Variants in ZBBX observed in about 807,000 individuals in gnomAD.
ZBBX encodes zinc finger B-box domain-containing protein 1.
In ZBBX, 101 loss-of-function variants were observed where a neutral mutation model predicts 108.5. The ratio of observed to expected loss-of-function variants is 0.93; its 90% CI spans 0.79 to 1.10. The LOEUF (loss-of-function observed/expected upper bound fraction) is 1.10, where lower values mean the gene tolerates loss of function less well. ZBBX is among the 50% of genes least tolerant of loss of function. The pLI is 0.00. For missense variants in ZBBX, 1,009 were observed against 941.4 expected (o/e 1.07, Z -0.94); for synonymous variants, 356 against 323.4 (o/e 1.10, Z -1.08).
chr3:167,260,731 T>G (rs1171514750), intron 20 of ZBBX, among the ~76,000 whole-genome samples: 1 of 152,186 alleles, frequency 6.6e-6, no homozygotes, highest in African/African-American at 2.4e-5. Flanking sequence ...TCCCTTCACT[T>G]CTTGTATCAT....
At chr3:167,387,602 G>C (rs1013794093) in intron 1 of ZBBX, among the ~76,000 whole-genome samples, 4 of 151,940 alleles carry the variant, frequency 2.6e-5, no homozygotes, top group African/African-American at 9.7e-5. Flanking sequence ...AAAATTTCTA[G>C]CATTACTGAA....
chr3:167,317,043 T>C lies in ZBBX; in HGVS notation c.1156A>G (p.Arg386Gly). The C allele has an allele frequency of 6.2e-7, 1 of 1,610,510 alleles. No homozygotes were observed. Among genetic ancestry groups the C allele is most frequent in the South Asian group, 1.1e-5 (1 of 90,780 alleles). The change falls in exon 14 of 22, where the codon AGA becomes GGA. Residue 386 changes from arginine (R) to glycine (G), a missense_variant. Transcript: ENST00000675490. ...LLPVETLNIE[R>G]PEPSLKIVEL... ...ACTATCTTTAGAGATGGTTCAGGTC[T>C]CTCTATGTTTAATGTTTCTACTGGC...
rs759182006 is a variant in ZBBX, at chr3:167,241,061, T to C, written c.2394-142A>G. On this transcript the variant is annotated intron_variant, in intron 21 of 21. Coordinates refer to ENST00000675490, the MANE Select transcript of ZBBX (RefSeq NM_001199201.2). ...AGCTGTATCAGACTGGGGCCATAAT[T>C]TTCAATGTGCCCAATATACCAAGCC... is the stretch of plus-strand genomic sequence containing the variant. The C allele has an allele frequency of 2.9e-4, 236 of 824,032 alleles. 1 individual carries two copies. Among genetic ancestry groups the C allele is most frequent in the Non-Finnish European group, 4.0e-4 (228 of 566,928 alleles). 51.0% of individuals were successfully genotyped at this position (824,032 alleles called of 1,614,324 possible).
intron 1 of ZBBX, among the ~76,000 whole-genome samples, chr3:167,392,475 T>C (rs912530723): frequency 9.9e-5 from 15 of 151,848 alleles, no homozygotes; most frequent in African/African-American, 3.6e-4. Context: ...TAAGTTTATA[T>C]TTAACTTTAT....
chr3:167,377,606 G>A (rs1023484830), intron 2 of ZBBX, among the ~76,000 whole-genome samples: 1 of 151,932 alleles, frequency 6.6e-6, no homozygotes, highest in African/African-American at 2.4e-5. Flanking sequence ...ATTTAAAATA[G>A]TTGCTTTTAA....
chr3:167,358,661 G>C (rs1743994976), intron 8 of ZBBX, among the ~76,000 whole-genome samples: 1 of 152,130 alleles, frequency 6.6e-6, no homozygotes, highest in African/African-American at 2.4e-5. Context: ...TATAGTCTAG[G>C]CGTGGTGGCT....
intron 10 of ZBBX, among the ~76,000 whole-genome samples, chr3:167,332,365 T>C (rs1738804556): frequency 6.6e-6 from 1 of 152,068 alleles, no homozygotes. Flanking sequence ...TTAATGTTTC[T>C]CTAGTTGATT....
chr3:167,202,590 A>C, the ZBBX span, among the ~76,000 whole-genome samples: 3 of 152,180 alleles, frequency 2.0e-5, no homozygotes, highest in Admixed American at 2.0e-4. Context: ...TCACAAGTTC[A>C]GAAATAAAAG....
At chr3:167,297,464 CT>C (rs1387249877) in intron 18 of ZBBX, among the ~76,000 whole-genome samples, 1 of 151,894 alleles carries the variant, frequency 6.6e-6, no homozygotes, top group Non-Finnish European at 1.5e-5. Context: ...AGGACATTGG[CT>C]TTGGAAATGA....
intron 18 of ZBBX, among the ~76,000 whole-genome samples, chr3:167,292,344 T>A (rs1477663198): frequency 1.3e-5 from 2 of 150,820 alleles, no homozygotes; most frequent in African/African-American, 4.9e-5. Context: ...ATGAAAAGCA[T>A]AACAGTCTCT....
chr3:167,379,855 T>C (rs1747535573), intron 1 of ZBBX, 63 bp from the exon 2 acceptor site: 1 of 152,238 alleles, frequency 6.6e-6, no homozygotes, highest in Non-Finnish European at 1.5e-5. Context: ...TGCAAATGAC[T>C]TCAAAGGATA....
the ZBBX span, among the ~76,000 whole-genome samples, chr3:167,197,083 C>A: frequency 6.6e-6 from 1 of 152,182 alleles, no homozygotes; most frequent in African/African-American, 2.4e-5. Flanking sequence ...GATTGCAATG[C>A]ACTATTTCTT....
chr3:167,201,685 T>C, the ZBBX span, among the ~76,000 whole-genome samples: 1 of 152,064 alleles, frequency 6.6e-6, no homozygotes, highest in Non-Finnish European at 1.5e-5. Context: ...TAACTAAAAA[T>C]AACAGGGTGC....
At chr3:167,281,983 T>C (rs937903169) in intron 20 of ZBBX, among the ~76,000 whole-genome samples, 2 of 152,242 alleles carry the variant, frequency 1.3e-5, no homozygotes, top group Non-Finnish European at 2.9e-5. Context: ...CATGAAATTA[T>C]TCATTCCACA....
chr3:167,211,325 C>T, the ZBBX span, among the ~76,000 whole-genome samples: 88 of 152,124 alleles, frequency 5.8e-4, no homozygotes, highest in African/African-American at 2.0e-3. Context: ...CGTGGAGTTT[C>T]GCAGAGCAGC....
chr3:167,240,670 G>A lies in ZBBX; in HGVS notation c.*123C>T. The A allele has an allele frequency of 8.4e-7, 1 of 1,189,506 alleles. No homozygotes were observed. The highest frequency in any genetic ancestry group is 1.2e-6 in the Non-Finnish European group (1 of 855,694). The allele number at this position is 1,189,506 out of a possible 1,614,324, so 73.7% of individuals were successfully genotyped here. A position where few individuals can be genotyped will look rare whatever the true frequency, so the allele number is the denominator to read the frequency against. Reference sequence around the variant, plus strand: ...TTTACTTTTATTAGTTTGTAGCCTTGAAACATCAAAGACATTAGTAATCAA... The same window carrying A: ...TTTACTTTTATTAGTTTGTAGCCTTAAAACATCAAAGACATTAGTAATCAA... On this transcript the variant is annotated 3_prime_UTR_variant, in exon 22 of 22. Transcript: ENST00000675490.
chr3:167,405,899 G>A (rs551864990), intron 1 of ZBBX, among the ~76,000 whole-genome samples: 11 of 152,070 alleles, frequency 7.2e-5, no homozygotes, highest in Admixed American at 4.6e-4. Flanking sequence ...GTGAAACCCC[G>A]TCTCTACTAA....
At chr3:167,359,681 T>C (rs1744190880) in intron 8 of ZBBX, among the ~76,000 whole-genome samples, 189 bp downstream of exon 8, 1 of 152,056 alleles carries the variant, frequency 6.6e-6, no homozygotes, top group Non-Finnish European at 1.5e-5. Context: ...ATTCAGAGAA[T>C]AAGTACAGGT....
chr3:167,256,323 T>C (rs1050539417), intron 20 of ZBBX, among the ~76,000 whole-genome samples: 10 of 152,116 alleles, frequency 6.6e-5, no homozygotes, highest in African/African-American at 2.2e-4. Flanking sequence ...TTTTAAATTG[T>C]TGTGGGCACA....
Sources: allele counts gnomAD v4.1 joint callset (sites outside exome capture counted in the v4.1 genomes callset), GRCh38; gene constraint gnomAD v4.1.1; transcripts MANE v1.5; gene names NCBI Gene and HGNC (gene_info 2026-07-23, HGNC 2026-07-21).